Variants in TFEC observed in about 807,000 individuals in gnomAD.
TFEC encodes transcription factor EC.
TFEC carries 31 observed loss-of-function variants against 41.6 expected under a neutral mutation model. That is an observed-to-expected ratio of 0.74 (90% CI 0.56 to 1.01). The LOEUF (loss-of-function observed/expected upper bound fraction) is 1.01, where lower values mean the gene tolerates loss of function less well. Among genes scored for constraint, TFEC ranks in the 50% least tolerant of loss-of-function variants. The pLI is 0.00. For synonymous variants in TFEC, 143 were observed against 140.6 expected, an observed-to-expected ratio of 1.02 and a Z score of -0.12; for missense variants, 402 against 404.1, an observed-to-expected ratio of 0.99 and a Z score of 0.04.
At chr7:116,117,941 T>A (rs1798027286) in intron 1 of TFEC, among the ~76,000 whole-genome samples, 1 of 151,822 alleles carries the variant, frequency 6.6e-6, no homozygotes, top group South Asian at 2.1e-4. Context: ...AAGGCACTCG[T>A]ATACATTGTG....
chr7:116,047,988 C>T (rs1217241865), intron 3 of TFEC, among the ~76,000 whole-genome samples: 3 of 152,174 alleles, frequency 2.0e-5, no homozygotes, highest in South Asian at 2.1e-4. Flanking sequence ...CAGTACATCA[C>T]CATCATCAAA....
chr7:115,986,845 A>C (rs1793880434), intron 1 of TFEC, among the ~76,000 whole-genome samples: 1 of 151,976 alleles, frequency 6.6e-6, no homozygotes, highest in Admixed American at 6.6e-5. Context: ...CCAACATGGC[A>C]CATGTATACA....
intron 3 of TFEC, among the ~76,000 whole-genome samples, chr7:116,058,210 G>A (rs749241201): frequency 5.3e-5 from 8 of 151,430 alleles, no homozygotes; most frequent in Non-Finnish European, 1.2e-4. Flanking sequence ...ACACTAACAC[G>A]GATCAAAAGG....
chr7:116,102,153 A>G (rs778539561), intron 3 of TFEC, among the ~76,000 whole-genome samples: 1 of 152,226 alleles, frequency 6.6e-6, no homozygotes, highest in Non-Finnish European at 1.5e-5. Flanking sequence ...GCTTCTAACT[A>G]TAGTCTAGCT....
chr7:116,087,570 T>C (rs1797230150), intron 3 of TFEC, among the ~76,000 whole-genome samples: 1 of 152,022 alleles, frequency 6.6e-6, no homozygotes, highest in Non-Finnish European at 1.5e-5. Context: ...ACTTCAAATA[T>C]TATAAATCCT....
At chr7:115,986,295 T>C (rs1303758308) in intron 1 of TFEC, among the ~76,000 whole-genome samples, 2 of 152,156 alleles carry the variant, frequency 1.3e-5, no homozygotes, top group Non-Finnish European at 2.9e-5. Flanking sequence ...GTTTTAACCT[T>C]AGGAGATAGG....
intron 1 of TFEC, among the ~76,000 whole-genome samples, chr7:116,130,763 C>A (rs549928412): frequency 3.9e-5 from 6 of 152,182 alleles, no homozygotes; most frequent in Non-Finnish European, 8.8e-5. Context: ...CAGGCACAAA[C>A]CACCATGCCA....
chr7:116,001,844 T>C (rs767088311), intron 1 of TFEC, among the ~76,000 whole-genome samples: 1 of 151,896 alleles, frequency 6.6e-6, no homozygotes, highest in Non-Finnish European at 1.5e-5. Context: ...ATAGTCCAAA[T>C]AGACATTTCT....
intron 3 of TFEC, among the ~76,000 whole-genome samples, chr7:115,957,156 A>G (rs1202930178): frequency 3.3e-5 from 5 of 151,962 alleles, no homozygotes; most frequent in Non-Finnish European, 5.9e-5. Flanking sequence ...AAATCAATAT[A>G]CATCTTTGCA....
intron 1 of TFEC, among the ~76,000 whole-genome samples, chr7:116,142,881 CAAT>C (rs1208941570): frequency 6.6e-6 from 1 of 152,088 alleles, no homozygotes; most frequent in Non-Finnish European, 1.5e-5. Context: ...TCCTAACTAT[CAAT>C]AATAAAAAAT....
Position 116,082,745 on chromosome 7 carries a change from A to C in TFEC, c.198+27963T>G, listed in dbSNP as rs193029744. Among the ~76,000 whole-genome samples, 79 of 152,070 alleles carry C rather than the reference A, an allele frequency of 5.2e-4. 1 individual carries two copies. In the East Asian group the frequency reaches 0.014, roughly 28 times the overall value. On this transcript the variant is annotated intron_variant, in intron 3 of 8. Transcript: ENST00000484212. Reference sequence around the variant, plus strand: ...CAGATTCATCCTGTCTAATTAGTAGAGATTTCATTATTATGTACATATGTA... The same window carrying C: ...CAGATTCATCCTGTCTAATTAGTAGCGATTTCATTATTATGTACATATGTA...
intron 3 of TFEC, among the ~76,000 whole-genome samples, chr7:116,095,408 G>A (rs1412853532): frequency 6.6e-6 from 1 of 151,986 alleles, no homozygotes; most frequent in Admixed American, 6.6e-5. Context: ...ATGCATGTGT[G>A]GACACATACA....
chr7:116,057,010 G>C (rs566533533), intron 3 of TFEC, among the ~76,000 whole-genome samples: 3 of 151,932 alleles, frequency 2.0e-5, no homozygotes, highest in African/African-American at 7.2e-5. Context: ...TGAAAGCTAC[G>C]ATGTGAGATG....
At chr7:115,956,369 G>A (rs1289920957) in intron 4 of TFEC, among the ~76,000 whole-genome samples, 1 of 149,528 alleles carries the variant, frequency 6.7e-6, no homozygotes, top group African/African-American at 2.4e-5. Context: ...ATATAAAAAT[G>A]AGCCTATGTT....
At chr7:116,058,757 T>C (rs1456141482) in intron 3 of TFEC, among the ~76,000 whole-genome samples, 2 of 151,766 alleles carry the variant, frequency 1.3e-5, no homozygotes, top group Non-Finnish European at 3.0e-5. Context: ...GCCAAATATT[T>C]AGAGCAAAAT....
At chr7:115,969,416 C>T (rs1300224034) in intron 3 of TFEC, among the ~76,000 whole-genome samples, 2 of 151,722 alleles carry the variant, frequency 1.3e-5, no homozygotes, top group Non-Finnish European at 2.9e-5. Context: ...GTGAAAGGCC[C>T]CTTTGACAAG....
At chr7:115,984,211 G>A (rs1793748421) in intron 2 of TFEC, 51 bp downstream of exon 2, 1 of 1,588,342 alleles carries the variant, frequency 6.3e-7, no homozygotes, top group Non-Finnish European at 8.6e-7. Context: ...CTTTAATAGA[G>A]GTTTTTTCAA....
chr7:116,156,429 T>C (rs1798872244), intron 1 of TFEC, among the ~76,000 whole-genome samples: 1 of 152,194 alleles, frequency 6.6e-6, no homozygotes, highest in African/African-American at 2.4e-5. Flanking sequence ...TCTAAGATTA[T>C]AATCAAACCA....
intron 3 of TFEC, chr7:115,968,256 T>G: frequency 6.5e-7 from 1 of 1,530,436 alleles, no homozygotes; most frequent in South Asian, 1.2e-5. Flanking sequence ...ATCATTTTCT[T>G]TTCCTTAAAC....
Sources: allele counts gnomAD v4.1 joint callset (sites outside exome capture counted in the v4.1 genomes callset), GRCh38; gene constraint gnomAD v4.1.1; transcripts MANE v1.5; gene names NCBI Gene and HGNC (gene_info 2026-07-23, HGNC 2026-07-21).